NKAIN3: variants seen among roughly 807,000 people sequenced by gnomAD.
NKAIN3 encodes the protein sodium/potassium transporting ATPase interacting 3.
A neutral mutation model predicts 30.2 loss-of-function variants in NKAIN3; 25 were observed. That is an observed-to-expected ratio of 0.83 (90% CI 0.60 to 1.16). NKAIN3 has a LOEUF of 1.16. NKAIN3 is among the 50% of genes most tolerant of loss of function. NKAIN3 has a pLI of 0.00. For synonymous variants in NKAIN3, 91 were observed against 89.6 expected (o/e 1.02, Z -0.09); for missense variants, 225 against 254.1 (o/e 0.89, Z 0.78).
chr8:62,283,181 C>T (rs1015190160), intron 1 of NKAIN3, among the ~76,000 whole-genome samples: 7 of 152,238 alleles, frequency 4.6e-5, no homozygotes, highest in African/African-American at 9.6e-5. Flanking sequence ...TAATCAGAAA[C>T]GAGTCCAGTT....
At chr8:62,486,327 C>T (rs996451590) in intron 1 of NKAIN3, among the ~76,000 whole-genome samples, 10 of 151,980 alleles carry the variant, frequency 6.6e-5, no homozygotes, top group African/African-American at 2.2e-4. Flanking sequence ...GTCTGTTTAG[C>T]TCAAAGAAGA....
intron 4 of NKAIN3, among the ~76,000 whole-genome samples, chr8:62,826,098 T>C (rs1819012898): frequency 6.6e-6 from 1 of 152,194 alleles, no homozygotes; most frequent in East Asian, 1.9e-4. Context: ...TCTGCTCATC[T>C]CTGATAATCA....
chr8:62,614,630 A>G (rs1811393970), intron 3 of NKAIN3, among the ~76,000 whole-genome samples: 1 of 152,154 alleles, frequency 6.6e-6, no homozygotes, highest in Non-Finnish European at 1.5e-5. Context: ...CAGAAGTCCC[A>G]TCTGAGAGTC....
chr8:62,467,863 T>C (rs1243295282), intron 1 of NKAIN3, among the ~76,000 whole-genome samples: 1 of 152,108 alleles, frequency 6.6e-6, no homozygotes, highest in East Asian at 1.9e-4. Context: ...CCTTCTGATC[T>C]CAAGCAATCA....
intron 1 of NKAIN3, among the ~76,000 whole-genome samples, chr8:62,517,888 A>C (rs934207352): frequency 6.6e-6 from 1 of 152,058 alleles, no homozygotes; most frequent in African/African-American, 2.4e-5. Flanking sequence ...TGGAGAAACT[A>C]TATCTATATC....
At chr8:62,857,778 A>C (rs1219676445) in intron 4 of NKAIN3, among the ~76,000 whole-genome samples, 1 of 152,184 alleles carries the variant, frequency 6.6e-6, no homozygotes, top group African/African-American at 2.4e-5. Context: ...GTGTTGGGTT[A>C]AAACATATTC....
At chr8:62,710,181 T>C (rs1371581328) in intron 3 of NKAIN3, among the ~76,000 whole-genome samples, 1 of 152,120 alleles carries the variant, frequency 6.6e-6, no homozygotes, top group Non-Finnish European at 1.5e-5. Context: ...TGCTGTTGAA[T>C]GGAATGTGTA....
At chr8:62,348,099 C>T (rs1416049098) in intron 1 of NKAIN3, among the ~76,000 whole-genome samples, 1 of 151,978 alleles carries the variant, frequency 6.6e-6, no homozygotes, top group African/African-American at 2.4e-5. Context: ...CATCTGCAGC[C>T]TTGATCCTAA....
intron 1 of NKAIN3, among the ~76,000 whole-genome samples, chr8:62,479,363 G>A (rs62511508): frequency 0.33 from 50,647 of 151,906 alleles, 9,758 homozygotes; most frequent in South Asian, 0.45. Context: ...ATCCAAATTC[G>A]GCAGGTGAAG....
At chr8:62,595,716 A>C (rs1810807575) in intron 3 of NKAIN3, among the ~76,000 whole-genome samples, 1 of 151,912 alleles carries the variant, frequency 6.6e-6, no homozygotes, top group Non-Finnish European at 1.5e-5. Flanking sequence ...ATTGTTGGGG[A>C]CGTTGGCCGA....
intron 6 of NKAIN3, among the ~76,000 whole-genome samples, chr8:62,957,067 C>T (rs1823438971): frequency 6.6e-6 from 1 of 152,184 alleles, no homozygotes; most frequent in Admixed American, 6.5e-5. Context: ...CAATCGAGCT[C>T]CTTGGTATTT....
intron 1 of NKAIN3, among the ~76,000 whole-genome samples, chr8:62,576,178 ACT>A (rs1414135128): frequency 1.3e-5 from 2 of 152,060 alleles, no homozygotes; most frequent in Non-Finnish European, 2.9e-5. Flanking sequence ...TGGAGGGACA[ACT>A]CTCAGAATGG....
intron 1 of NKAIN3, among the ~76,000 whole-genome samples, chr8:62,313,571 T>G (rs1183183243): frequency 6.6e-6 from 1 of 152,130 alleles, no homozygotes; most frequent in Non-Finnish European, 1.5e-5. Flanking sequence ...GAAAAAGCTA[T>G]TATTAATTAT....
rs938776788 is a variant in NKAIN3, at chr8:62,424,294, A to T, written c.55-155245A>T. Among the ~76,000 whole-genome samples, 6 of 152,134 alleles carry T rather than the reference A, an allele frequency of 3.9e-5. No individual in the cohort carries two copies. In the East Asian group the frequency reaches 7.7e-4, roughly 20 times the overall value. On this transcript the variant is annotated intron_variant, in intron 1 of 6. Transcript: ENST00000623646. The stretch of plus-strand genomic sequence containing the variant: ...ATATGACACCAAAATCACAGGCAAG[A>T]AAAGCAAATATAGACAAATGGGACT...
chr8:62,909,192 C>T (rs1378196487), intron 4 of NKAIN3, among the ~76,000 whole-genome samples: 1 of 152,146 alleles, frequency 6.6e-6, no homozygotes, highest in East Asian at 1.9e-4. Context: ...TATACAAGGC[C>T]TGCAGGTCAA....
At chr8:62,491,865 A>G (rs13258209) in intron 1 of NKAIN3, among the ~76,000 whole-genome samples, 11,145 of 152,132 alleles carry the variant, frequency 0.073, 512 homozygotes, top group African/African-American at 0.13. Context: ...AGCTGTGAGA[A>G]GAAAAAGAGA....
At chr8:62,560,670 G>C (rs1053518726) in intron 1 of NKAIN3, among the ~76,000 whole-genome samples, 2 of 149,690 alleles carry the variant, frequency 1.3e-5, no homozygotes, top group African/African-American at 2.4e-5. Flanking sequence ...CTCCCAAGTA[G>C]CTGAGATTAC....
At chr8:62,826,888 T>C (rs1819043463) in intron 4 of NKAIN3, among the ~76,000 whole-genome samples, 1 of 152,204 alleles carries the variant, frequency 6.6e-6, no homozygotes, top group South Asian at 2.1e-4. Flanking sequence ...GATCCTTTAC[T>C]GGTTTAAATA....
At chr8:62,329,029 C>A (rs1427943689) in intron 1 of NKAIN3, among the ~76,000 whole-genome samples, 1 of 151,998 alleles carries the variant, frequency 6.6e-6, no homozygotes, top group African/African-American at 2.4e-5. Flanking sequence ...TCCATGTCAT[C>A]AGCAGCTTTG....
Sources: gnomAD v4.1 joint callset for allele counts (sites outside exome capture counted in the v4.1 genomes callset) on GRCh38, gnomAD v4.1.1 for gene constraint, MANE v1.5 for transcripts, NCBI Gene and HGNC (gene_info 2026-07-23, HGNC 2026-07-21) for gene names.